Variants in ZNF462 observed in about 807,000 individuals in gnomAD.
ZNF462 encodes the protein zinc finger PBX1-interacting protein.
A neutral mutation model predicts 201.9 loss-of-function variants in ZNF462; 10 were observed. The observed-to-expected ratio is 0.05, with a 90% CI of 0.03 to 0.08. The LOEUF is 0.08. Ranked by LOEUF, ZNF462 falls within the 10% of genes least tolerant of loss-of-function variation. The probability of loss-of-function intolerance (pLI) is 1.00; values close to 1 mark genes in which losing one functional copy is unlikely to be tolerated. For missense variants in ZNF462, 2,523 were observed against 3,168.3 expected (o/e 0.80, Z 4.89); for synonymous variants, 1,227 against 1,193.3 (o/e 1.03, Z -0.58).
Position 106,972,316 on chromosome 9 carries a change from C to A in ZNF462, c.6695+44C>A, listed in dbSNP as rs771121379. On this transcript the variant is annotated intron_variant, in intron 8 of 12. Transcript: ENST00000277225. This position sits in a 1 kb window ranked among gnomAD's most constrained non-coding sequence, Gnocchi z 4.8. ...AGCTATGGAAAACAAGGCGGCCGCC[C>A]CTGCTCCACCCCTCACTGCAGGCTT... 1.9e-6 allele frequency: 3 copies of A among 1,583,380 alleles called. No individual in the cohort carries two copies. In the South Asian group the frequency reaches 3.5e-5, roughly 19 times the overall value.
At chr9:106,897,705 A>G (rs1828869468) in intron 1 of ZNF462, among the ~76,000 whole-genome samples, 1 of 152,350 alleles carries the variant, frequency 6.6e-6, no homozygotes, top group African/African-American at 2.4e-5. Flanking sequence ...GGATATGAGA[A>G]AAGGAAGACA....
At position 106,966,887 on chromosome 9, in the gene ZNF462, A is replaced by G. The variant is rs1193970749; in HGVS notation, c.6428-5118A>G. 6.6e-6 allele frequency among the ~76,000 whole-genome samples: 1 copy of G among 152,014 alleles called. No individual in the cohort carries two copies. The highest frequency in any genetic ancestry group is 1.5e-5 in the Non-Finnish European group (1 of 68,006). ...ATCTAGCTCAAATATAATTAAATGTACTCGCTGGCACCAAGGTACTTCTGT... is the reference window on the plus strand; with the variant it reads ...ATCTAGCTCAAATATAATTAAATGTGCTCGCTGGCACCAAGGTACTTCTGT... On this transcript the variant is annotated intron_variant, in intron 7 of 12. Coordinates refer to ENST00000277225, the MANE Select transcript of ZNF462 (RefSeq NM_021224.6). The surrounding 1 kb of genome is among the most constrained non-coding windows in gnomAD (Gnocchi z 4.4).
At chr9:106,942,114 G>A (rs955649425) in intron 7 of ZNF462, among the ~76,000 whole-genome samples, 3 of 152,186 alleles carry the variant, frequency 2.0e-5, no homozygotes, top group African/African-American at 7.2e-5. Flanking sequence ...ATAAAACCAG[G>A]GAAATCACCA....
intron 9 of ZNF462, chr9:106,976,688 TAATAATAACAACATTAAC>T (rs1827025451): frequency 6.6e-6 from 1 of 152,170 alleles, no homozygotes; most frequent in African/African-American, 2.4e-5. Flanking sequence ...GGATTAATAG[TAATAATAACAACATTAAC>T]AATAATAACA....
At position 106,873,223 on chromosome 9, in the gene ZNF462, A is replaced by G. The variant is rs187552789; in HGVS notation, c.-31+9868A>G. 2.6e-5 allele frequency among the ~76,000 whole-genome samples: 4 copies of G among 152,356 alleles called. No homozygotes were observed. The East Asian group carries it at 7.7e-4, about 29-fold the overall frequency. ...TAATATATTATTTGATATGAGAGATATAACTTATTGCAATAGCTTGAGGAA... is the reference window on the plus strand; with the variant it reads ...TAATATATTATTTGATATGAGAGATGTAACTTATTGCAATAGCTTGAGGAA... On this transcript the variant is annotated intron_variant, in intron 1 of 12. Coordinates refer to ENST00000277225, the MANE Select transcript of ZNF462 (RefSeq NM_021224.6).
chr9:106,928,693 T>C lies in ZNF462; in HGVS notation c.4781T>C (p.Ile1594Thr). 6.2e-7 allele frequency: 1 copy of C among 1,614,056 alleles called. No homozygotes were observed. The highest frequency in any genetic ancestry group is 8.5e-7 in the Non-Finnish European group (1 of 1,180,018). The change falls in exon 3 of 13, where the codon ATC (isoleucine) becomes ACC (threonine). Residue 1594 changes from isoleucine (I) to threonine (T), a missense_variant. Ile to Thr is a moderately conservative substitution (Grantham distance 89). Transcript: ENST00000277225. The surrounding 1 kb of genome is among the most constrained non-coding windows in gnomAD (Gnocchi z 9.3). ...CACGGCACTTTGGAGAAACTAAAAA[T>C]CCACTACGAGAAGTATCACAATCAG... is the stretch of plus-strand genomic sequence containing the variant. ...YTHGTLEKLK[I>T]HYEKYHNQPE...
intron 1 of ZNF462, among the ~76,000 whole-genome samples, chr9:106,879,430 C>T (rs1488896242): frequency 6.8e-6 from 1 of 147,332 alleles, no homozygotes; most frequent in Non-Finnish European, 1.5e-5. Context: ...GGCAAAACTT[C>T]AGCTGATTTT....
intron 1 of ZNF462, among the ~76,000 whole-genome samples, chr9:106,908,982 A>G (rs1354065823): frequency 2.2e-5 from 1 of 45,356 alleles, no homozygotes; most frequent in Non-Finnish European, 4.1e-5. Flanking sequence ...TTTTTTTTTG[A>G]GACTGGGTCT....
At position 106,961,968 on chromosome 9, in the gene ZNF462, G is replaced by A. The variant is rs561567003; in HGVS notation, c.6428-10037G>A. Among the ~76,000 whole-genome samples, 4 of 152,174 alleles carry A rather than the reference G, an allele frequency of 2.6e-5. No homozygotes were observed. In the South Asian group the frequency reaches 8.3e-4, roughly 32 times the overall value. On this transcript the variant is annotated intron_variant, in intron 7 of 12. Coordinates refer to ENST00000277225, the MANE Select transcript of ZNF462 (RefSeq NM_021224.6). ...ATATTAGAAGCCTTGTATGTGACTG[G>A]CATTAAGCACAGCATGGAAACAGTG...
Position 106,974,768 on chromosome 9 carries a change from A to G in ZNF462, c.6832+495A>G, listed in dbSNP as rs936854857. On this transcript the variant is annotated intron_variant, in intron 9 of 12. Transcript: ENST00000277225. This position sits in a 1 kb window ranked among gnomAD's most constrained non-coding sequence, Gnocchi z 4.0. ...AAAATAATGTATATTATACATTCTA[A>G]TAATAGTCTCTATTATATATTCTAA... 4 of 173,750 alleles carry G rather than the reference A, an allele frequency of 2.3e-5. No individual in the cohort carries two copies. Among genetic ancestry groups the G allele is most frequent in the Non-Finnish European group, 5.1e-5 (4 of 79,122 alleles). 10.8% of individuals were successfully genotyped at this position (173,750 alleles called of 1,614,324 possible).
rs562513158 is a variant in ZNF462, at chr9:106,920,440, T to C, written c.-30-2914T>C. 1.3e-5 allele frequency among the ~76,000 whole-genome samples: 2 copies of C among 152,304 alleles called. No individual in the cohort carries two copies. The highest frequency in any genetic ancestry group is 4.1e-4 in the South Asian group (2 of 4,828). On this transcript the variant is annotated intron_variant, in intron 1 of 12. Transcript: ENST00000277225. This position sits in a 1 kb window ranked among gnomAD's most constrained non-coding sequence, Gnocchi z 4.3. ...CTTTCAAAGTAGGCTACATCCTCCT[T>C]TCAGTACTTGGTGCAGACATGAAAT...
At chr9:106,861,931 C>CA (rs1379285875), upstream of ZNF462, among the ~76,000 whole-genome samples, 1 of 152,188 alleles carries the variant, frequency 6.6e-6, no homozygotes, top group Non-Finnish European at 1.5e-5. Flanking sequence ...CCAGAAAGTG[C>CA]AAACAACGCG....
At chr9:106,914,270 C>T (rs1017691817) in intron 1 of ZNF462, among the ~76,000 whole-genome samples, 3 of 138,590 alleles carry the variant, frequency 2.2e-5, no homozygotes, top group African/African-American at 7.4e-5. Flanking sequence ...AACGAAAATA[C>T]CTGGAGATCA....
At chr9:106,887,525 A>G (rs971713661) in intron 1 of ZNF462, among the ~76,000 whole-genome samples, 1 of 152,134 alleles carries the variant, frequency 6.6e-6, no homozygotes, top group African/African-American at 2.4e-5. Flanking sequence ...GGAACCTTTG[A>G]GGTTATTTTT....
chr9:106,989,251 A>G (rs1828085075), intron 10 of ZNF462, among the ~76,000 whole-genome samples: 1 of 152,032 alleles, frequency 6.6e-6, no homozygotes, highest in Non-Finnish European at 1.5e-5. Flanking sequence ...TCTTAAAGCA[A>G]TCCTGGATAT....
chr9:107,004,934 T>C (rs1479106896), intron 11 of ZNF462, among the ~76,000 whole-genome samples: 2 of 152,114 alleles, frequency 1.3e-5, no homozygotes, highest in East Asian at 3.9e-4. Flanking sequence ...CTTTTCTAGT[T>C]TCCCCACATA....
intron 1 of ZNF462, among the ~76,000 whole-genome samples, chr9:106,871,995 G>A (rs913385454): frequency 2.6e-5 from 4 of 152,192 alleles, no homozygotes; most frequent in Non-Finnish European, 5.9e-5. Flanking sequence ...TGAGCCAAGC[G>A]TCACAGGCTG....
Position 106,928,811 on chromosome 9 carries a change from C to T in ZNF462, c.4899C>T (p.Ser1633=). 1.4e-5 allele frequency: 23 copies of T among 1,614,156 alleles called. No homozygotes were observed. Among genetic ancestry groups the T allele is most frequent in the Non-Finnish European group, 1.9e-5 (23 of 1,180,024 alleles). The change falls in exon 3 of 13, where the codon TCC becomes TCT. Residue 1633 remains serine (S), a synonymous_variant. Transcript: ENST00000277225. This position sits in a 1 kb window ranked among gnomAD's most constrained non-coding sequence, Gnocchi z 9.3. The part of the protein sequence containing the change: ...MTTEVSPSQV[S]ITEEEVGEEP... Reference sequence around the variant, plus strand: ...CTGAAGTGAGCCCTTCCCAAGTCTCCATCACTGAGGAGGAGGTGGGAGAGG... The same window carrying T: ...CTGAAGTGAGCCCTTCCCAAGTCTCTATCACTGAGGAGGAGGTGGGAGAGG...
At position 107,013,300 on chromosome 9, in the gene ZNF462, T is replaced by G. The variant is rs1253685334; in HGVS notation, c.*2270T>G. ...TTCTTTTTCAAACATATACCTGATATTTTGTGGCCGCACATTTTGGATGCA... is the reference window on the plus strand; with the variant it reads ...TTCTTTTTCAAACATATACCTGATAGTTTGTGGCCGCACATTTTGGATGCA... On this transcript the variant is annotated 3_prime_UTR_variant, in exon 13 of 13. Transcript: ENST00000277225. 2 of 152,206 alleles carry G rather than the reference T, an allele frequency of 1.3e-5. No homozygotes were observed. The highest frequency in any genetic ancestry group is 2.9e-5 in the Non-Finnish European group (2 of 68,026). 9.4% of individuals were successfully genotyped at this position (152,206 alleles called of 1,614,324 possible).
Sources: allele counts gnomAD v4.1 joint callset (sites outside exome capture counted in the v4.1 genomes callset), GRCh38; gene constraint gnomAD v4.1.1; non-coding constraint Gnocchi (gnomAD v3.1); transcripts MANE v1.5; gene names NCBI Gene and HGNC (gene_info 2026-07-23, HGNC 2026-07-21).